The following KIAA1217 variants were observed in gnomAD, a reference collection of about 807,000 sequenced individuals.
KIAA1217 encodes the protein sickle tail protein homolog.
In KIAA1217, 88 loss-of-function variants were observed where a neutral mutation model predicts 163.9. The observed-to-expected ratio is 0.54, with a 90% CI of 0.45 to 0.64. The LOEUF (loss-of-function observed/expected upper bound fraction) is 0.64, where lower values mean the gene tolerates loss of function less well. KIAA1217 is among the 30% of genes least tolerant of loss of function. The pLI, the probability that KIAA1217 is intolerant of heterozygous loss-of-function variation, is 0.00. For synonymous variants in KIAA1217, 903 were observed against 923.1 expected (o/e 0.98, Z 0.39); for missense variants, 2,372 against 2,475.0 (o/e 0.96, Z 0.88).
chr10:23,704,170 G>GTGTGTGTGTGTA (rs1836704741), intron 1 of KIAA1217, among the ~76,000 whole-genome samples: 1 of 54,096 alleles, frequency 1.8e-5, no homozygotes, highest in Admixed American at 2.3e-4. Context: ...GTGTGTGTGT[G>GTGTGTGTGTGTA]TGTATATATA....
At chr10:24,309,902 C>T (rs1427287692) in intron 2 of KIAA1217, among the ~76,000 whole-genome samples, 5 of 152,152 alleles carry the variant, frequency 3.3e-5, no homozygotes, top group Non-Finnish European at 2.9e-5. Context: ...AACCTATTGT[C>T]CTTAAACTTT....
At chr10:24,335,231 G>A (rs926115345) in intron 2 of KIAA1217, among the ~76,000 whole-genome samples, 3 of 151,968 alleles carry the variant, frequency 2.0e-5, no homozygotes, top group African/African-American at 7.3e-5. Context: ...AACTACACTA[G>A]TGGTTTCTTA....
At chr10:24,146,999 G>A (rs909778099) in intron 2 of KIAA1217, among the ~76,000 whole-genome samples, 1 of 45,756 alleles carries the variant, frequency 2.2e-5, no homozygotes, top group Non-Finnish European at 4.4e-5. Context: ...ACATGTTTTT[G>A]TTTTGTTAAA....
At chr10:24,376,395 C>T (rs1480513469) in intron 2 of KIAA1217, among the ~76,000 whole-genome samples, 1 of 152,206 alleles carries the variant, frequency 6.6e-6, no homozygotes, top group Non-Finnish European at 1.5e-5. Context: ...ATACCTGTGA[C>T]TCAACGAGGT....
chr10:24,035,615 C>T (rs956577382), intron 2 of KIAA1217, among the ~76,000 whole-genome samples: 3 of 152,156 alleles, frequency 2.0e-5, no homozygotes, highest in African/African-American at 2.4e-5. Flanking sequence ...CCCAGTTAGA[C>T]GCTGCACAGT....
chr10:23,854,613 G>A (rs1370461004), intron 1 of KIAA1217, among the ~76,000 whole-genome samples: 2 of 152,114 alleles, frequency 1.3e-5, no homozygotes, highest in East Asian at 1.9e-4. Context: ...TGACAGTGGG[G>A]TGTTAAAGTC....
chr10:24,304,138 T>C (rs1192170626), intron 2 of KIAA1217, among the ~76,000 whole-genome samples: 1 of 151,956 alleles, frequency 6.6e-6, no homozygotes, highest in Admixed American at 6.6e-5. Context: ...CATTTTTTTT[T>C]TTTTTTGCAT....
chr10:24,092,754 A>C (rs114822955), intron 2 of KIAA1217, among the ~76,000 whole-genome samples: 2 of 151,856 alleles, frequency 1.3e-5, no homozygotes, highest in Non-Finnish European at 2.9e-5. Context: ...TGGAGACAGA[A>C]GAGTGAACTA....
At chr10:23,894,602 G>A (rs1261892654) in intron 1 of KIAA1217, among the ~76,000 whole-genome samples, 3 of 150,282 alleles carry the variant, frequency 2.0e-5, no homozygotes, top group African/African-American at 7.3e-5. Flanking sequence ...TCCCCATCAA[G>A]CTACCAATGA....
At position 23,995,648 on chromosome 10, in the gene KIAA1217, G is replaced by A. The variant is rs577658779; in HGVS notation, c.-320-11577G>A. Among the ~76,000 whole-genome samples the A allele has an allele frequency of 5.9e-5, 9 of 152,170 alleles. No homozygotes were observed. In the East Asian group the frequency reaches 1.4e-3, roughly 23 times the overall value. Reference sequence around the variant, plus strand: ...CCCGGGAATAGATACAGGTTGAAGCGGCAATCCAGGGACTGTCTCATAAAA... The same window carrying A: ...CCCGGGAATAGATACAGGTTGAAGCAGCAATCCAGGGACTGTCTCATAAAA... On this transcript the variant is annotated intron_variant, in intron 1 of 18. Transcript: ENST00000376462.
chr10:24,317,841 C>A (rs917818211), intron 2 of KIAA1217, among the ~76,000 whole-genome samples: 1 of 152,106 alleles, frequency 6.6e-6, no homozygotes, highest in African/African-American at 2.4e-5. Flanking sequence ...AATTTAGTGG[C>A]CAATTGAAAA....
intron 2 of KIAA1217, among the ~76,000 whole-genome samples, chr10:24,362,662 C>T (rs2050180718): frequency 6.6e-6 from 1 of 152,058 alleles, no homozygotes; most frequent in South Asian, 2.1e-4. Context: ...TAAATTGCTT[C>T]CAGAGAGTCA....
intron 1 of KIAA1217, among the ~76,000 whole-genome samples, chr10:23,952,236 C>T (rs1002468600): frequency 3.9e-5 from 6 of 152,182 alleles, no homozygotes; most frequent in African/African-American, 1.2e-4. Context: ...CTTCGGGAGA[C>T]TTCATTTATC....
At chr10:23,798,712 G>T (rs1836326787) in intron 1 of KIAA1217, among the ~76,000 whole-genome samples, 1 of 152,166 alleles carries the variant, frequency 6.6e-6, no homozygotes, top group Non-Finnish European at 1.5e-5. Context: ...AGTGATCCCT[G>T]ACAGGCAAGG....
rs1173401200 is a variant in KIAA1217 at position 23,876,483 on chromosome 10, T to TA, written c.-320-130736dup. ...GCACATGTACCCACTGAATTGAAAA[T>TA]AAAAAATGGAAAACAAAAAATAAAA... On this transcript the variant is annotated intron_variant, in intron 1 of 18. Coordinates refer to the KIAA1217 transcript ENST00000376462. Among the ~76,000 whole-genome samples the TA allele has an allele frequency of 2.7e-5, 4 of 150,094 alleles. No homozygotes were observed. The East Asian group carries it at 7.8e-4, about 29-fold the overall frequency.
At chr10:24,248,491 T>C (rs897195057) in intron 2 of KIAA1217, among the ~76,000 whole-genome samples, 1 of 151,680 alleles carries the variant, frequency 6.6e-6, no homozygotes, top group Non-Finnish European at 1.5e-5. Context: ...GCCAACATGG[T>C]GAAATCCCGT....
chr10:23,949,474 G>T (rs1222039821), intron 1 of KIAA1217, among the ~76,000 whole-genome samples: 2 of 152,090 alleles, frequency 1.3e-5, no homozygotes, highest in African/African-American at 4.8e-5. Context: ...CCCTGACAAT[G>T]ATTACTTATA....
chr10:24,245,632 C>T (rs2073702642), intron 2 of KIAA1217, among the ~76,000 whole-genome samples: 1 of 152,054 alleles, frequency 6.6e-6, no homozygotes, highest in South Asian at 2.1e-4. Flanking sequence ...CTTCCCCTTC[C>T]CCTTCCTTTT....
intron 2 of KIAA1217, among the ~76,000 whole-genome samples, chr10:24,097,979 C>T (rs1564698343): frequency 6.6e-6 from 1 of 151,922 alleles, no homozygotes; most frequent in Non-Finnish European, 1.5e-5. Flanking sequence ...GTTCCAGGGG[C>T]AACACGCCTC....
Sources: gnomAD v4.1 joint callset for allele counts (sites outside exome capture counted in the v4.1 genomes callset) on GRCh38, gnomAD v4.1.1 for gene constraint, MANE v1.5 for transcripts, NCBI Gene and HGNC (gene_info 2026-07-23, HGNC 2026-07-21) for gene names.